Variants in RABGAP1L observed in about 807,000 individuals in gnomAD.
The protein encoded by RABGAP1L is rab GTPase-activating protein 1-like.
A neutral mutation model predicts 137.7 loss-of-function variants in RABGAP1L; 63 were observed. The ratio of observed to expected loss-of-function variants is 0.46; its 90% confidence interval spans 0.37 to 0.56. RABGAP1L has a LOEUF of 0.56. Among genes scored for constraint, RABGAP1L ranks in the 20% least tolerant of loss-of-function variants. The pLI, the probability that RABGAP1L is intolerant of heterozygous loss-of-function variation, is 0.00. For synonymous variants in RABGAP1L, 431 were observed against 433.7 expected (o/e 0.99, Z 0.08); for missense variants, 1,095 against 1,244.0 (o/e 0.88, Z 1.80).
At position 174,447,552 on chromosome 1, in the gene RABGAP1L, T is replaced by C. The variant is rs1040802968; in HGVS notation, c.1710+53407T>C. On this transcript the variant is annotated intron_variant, in intron 13 of 25. Transcript: ENST00000681986. ...AGCTTTTCAACCAAATTTGAGATCT[T>C]AAATTATTTAAAATCTAAAATATGA... Among the ~76,000 whole-genome samples, 2 of 152,160 alleles carry C rather than the reference T, an allele frequency of 1.3e-5. 1 individual carries two copies. The highest frequency in any genetic ancestry group is 2.9e-5 in the Non-Finnish European group (2 of 68,028).
chr1:174,245,582 A>G (rs1221564332), intron 5 of RABGAP1L: 1 of 151,914 alleles, frequency 6.6e-6, no homozygotes, highest in Non-Finnish European at 1.5e-5. Flanking sequence ...ATTTTAATAC[A>G]TACCTTTCAA....
intron 19 of RABGAP1L, among the ~76,000 whole-genome samples, chr1:174,842,370 G>T (rs1264525323): frequency 6.6e-6 from 1 of 152,084 alleles, no homozygotes; most frequent in Non-Finnish European, 1.5e-5. Context: ...TGGCACAACA[G>T]AAAAAACTCA....
At chr1:174,604,360 C>A (rs571248761) in intron 13 of RABGAP1L, among the ~76,000 whole-genome samples, 1 of 152,280 alleles carries the variant, frequency 6.6e-6, no homozygotes, top group South Asian at 2.1e-4. Flanking sequence ...CAATCACTGT[C>A]CTCTCCCTCT....
At chr1:174,434,710 T>C (rs1306961545) in intron 13 of RABGAP1L, among the ~76,000 whole-genome samples, 1 of 152,216 alleles carries the variant, frequency 6.6e-6, no homozygotes, top group East Asian at 1.9e-4. Context: ...GTATCTCATC[T>C]ATTTTGCCTT....
chr1:174,802,141 C>T (rs2148825974), intron 18 of RABGAP1L, among the ~76,000 whole-genome samples: 1 of 152,302 alleles, frequency 6.6e-6, no homozygotes, highest in Middle Eastern at 3.4e-3. Context: ...GTTGGGTTCT[C>T]AAGCTTGAGC....
chr1:174,890,559 A>G (rs1655956965), intron 19 of RABGAP1L, among the ~76,000 whole-genome samples: 1 of 152,252 alleles, frequency 6.6e-6, no homozygotes, highest in South Asian at 2.1e-4. Context: ...TATAAATAAT[A>G]CATGCACACA....
At chr1:174,259,828 T>G (rs1394975797) in intron 7 of RABGAP1L, among the ~76,000 whole-genome samples, 4 of 150,264 alleles carry the variant, frequency 2.7e-5, no homozygotes, top group Admixed American at 1.3e-4. Flanking sequence ...GTACTGTTAT[T>G]ATTACTGCAT....
intron 13 of RABGAP1L, among the ~76,000 whole-genome samples, chr1:174,425,276 C>G (rs780508243): frequency 2.0e-5 from 3 of 151,908 alleles, no homozygotes; most frequent in African/African-American, 7.2e-5. Context: ...TAACAGGCAC[C>G]TTTTTGAATG....
intron 13 of RABGAP1L, among the ~76,000 whole-genome samples, chr1:174,611,682 C>T (rs1469679020): frequency 7.3e-5 from 11 of 151,490 alleles, no homozygotes; most frequent in African/African-American, 1.9e-4. Context: ...TTCTTCCTAC[C>T]CATGAGCATG....
chr1:174,583,261 T>A (rs1668873153), intron 13 of RABGAP1L, among the ~76,000 whole-genome samples: 1 of 152,182 alleles, frequency 6.6e-6, no homozygotes, highest in Non-Finnish European at 1.5e-5. Context: ...TGTCCATATG[T>A]CAGAGCCCAT....
chr1:174,500,890 G>C (rs1484322803), intron 13 of RABGAP1L, among the ~76,000 whole-genome samples: 1 of 152,160 alleles, frequency 6.6e-6, no homozygotes, highest in Non-Finnish European at 1.5e-5. Flanking sequence ...TTAAATGGGA[G>C]TGATGAATCA....
At chr1:174,868,563 C>T (rs1035332908) in intron 19 of RABGAP1L, among the ~76,000 whole-genome samples, 1 of 152,042 alleles carries the variant, frequency 6.6e-6, no homozygotes, top group Non-Finnish European at 1.5e-5. Context: ...TGTGGAAAAC[C>T]TTATTATAAT....
chr1:174,370,950 G>A (rs1264628186), intron 11 of RABGAP1L, 29 bp from the exon 12 acceptor site: 8 of 1,216,620 alleles, frequency 6.6e-6, no homozygotes, highest in Non-Finnish European at 8.1e-6. Flanking sequence ...ATAAAATAAT[G>A]TTTGTTGGTT....
At chr1:174,488,319 T>G (rs1466632627) in intron 13 of RABGAP1L, among the ~76,000 whole-genome samples, 3 of 117,770 alleles carry the variant, frequency 2.5e-5, no homozygotes, top group Non-Finnish European at 6.2e-5. Context: ...GGATAAAAGT[T>G]TTTTTTTTTT....
rs1037410252 is a variant in RABGAP1L at position 174,739,994 on chromosome 1, C to T, written c.2170-12319C>T. Among the ~76,000 whole-genome samples the T allele has an allele frequency of 5.3e-5, 8 of 152,218 alleles. No homozygotes were observed. The East Asian group carries it at 1.4e-3, about 26-fold the overall frequency. On this transcript the variant is annotated intron_variant, in intron 17 of 25. Transcript: ENST00000681986. ...GCAGAAAGAAACTTAGGCTCCTTAG[C>T]GATCCTCAGGGTATATTATTATGAT... is the stretch of plus-strand genomic sequence containing the variant.
intron 19 of RABGAP1L, among the ~76,000 whole-genome samples, chr1:174,856,481 C>T (rs1649328982): frequency 1.3e-5 from 2 of 151,618 alleles, no homozygotes. Flanking sequence ...TAGCCCCATA[C>T]AAATATTCTC....
At chr1:174,655,893 G>A (rs1368837699) in intron 14 of RABGAP1L, among the ~76,000 whole-genome samples, 1 of 152,146 alleles carries the variant, frequency 6.6e-6, no homozygotes, top group East Asian at 1.9e-4. Flanking sequence ...TCAGAAAGAT[G>A]TTCCAGGCTT....
intron 19 of RABGAP1L, chr1:174,875,647 T>G: frequency 1.0e-6 from 1 of 985,470 alleles, no homozygotes; most frequent in Non-Finnish European, 1.2e-6. Context: ...CTTCTGGTGC[T>G]GGTGAATGCA....
intron 12 of RABGAP1L, among the ~76,000 whole-genome samples, chr1:174,374,396 A>T (rs1004577143): frequency 6.6e-6 from 1 of 152,124 alleles, no homozygotes; most frequent in Non-Finnish European, 1.5e-5. Flanking sequence ...TGGCTCTCAC[A>T]TTACTGAGAA....
Sources: gnomAD v4.1 joint callset for allele counts (sites outside exome capture counted in the v4.1 genomes callset) on GRCh38, gnomAD v4.1.1 for gene constraint, MANE v1.5 for transcripts, NCBI Gene and HGNC (gene_info 2026-07-23, HGNC 2026-07-21) for gene names.